Variants in GRM8 observed in about 807,000 individuals in gnomAD.
The protein encoded by GRM8 is metabotropic glutamate receptor 8.
In GRM8, 47 loss-of-function variants were observed where a neutral mutation model predicts 87.2. The observed-to-expected ratio is 0.54, with a 90% CI of 0.43 to 0.69. GRM8 has a LOEUF of 0.69. Ranked by LOEUF, GRM8 falls within the 30% of genes least tolerant of loss-of-function variation. The probability of loss-of-function intolerance (pLI) is 0.00; values close to 1 mark genes in which losing one functional copy is unlikely to be tolerated. For synonymous variants in GRM8, 396 were observed against 404.5 expected (o/e 0.98, Z 0.25); for missense variants, 1,019 against 1,139.2 (o/e 0.89, Z 1.52).
At chr7:127,172,105 TGAA>T (rs1334348010) in intron 2 of GRM8, among the ~76,000 whole-genome samples, 1 of 152,100 alleles carries the variant, frequency 6.6e-6, no homozygotes, top group African/African-American at 2.4e-5. Flanking sequence ...AGTGACGAAA[TGAA>T]GTACAGAATG....
At chr7:126,511,868 A>C (rs1286832895) in intron 9 of GRM8, 1 of 152,148 alleles carries the variant, frequency 6.6e-6, no homozygotes, top group Admixed American at 6.6e-5. Context: ...AAGAAAAAAT[A>C]AAAGTAAAAT....
chr7:126,446,382 G>GAAAAAAA lies in GRM8; in HGVS notation c.2431-17_2431-11dup, dbSNP rs56884588. The GAAAAAAA allele has an allele frequency of 7.1e-7, 1 of 1,415,042 alleles. No homozygotes were observed. The allele number at this position is 1,415,042 out of a possible 1,614,324, so 87.7% of individuals were successfully genotyped here. A position where few individuals can be genotyped will look rare whatever the true frequency, so the allele number is the denominator to read the frequency against. ...TTGTCTGGATGTACATCTGAGGGAA[G>GAAAAAAA]AAAAAAAAAAGAATCACTGTTGGTA... On this transcript the variant is annotated splice_polypyrimidine_tract_variant and intron_variant, in intron 9 of 10. Transcript: ENST00000339582.
chr7:126,863,267 AT>A, intron 6 of GRM8, among the ~76,000 whole-genome samples: 1 of 152,162 alleles, frequency 6.6e-6, no homozygotes, highest in South Asian at 2.1e-4. Context: ...AGTTGGGGCT[AT>A]TTTTTATAGT....
At chr7:126,868,375 C>A in intron 6 of GRM8, among the ~76,000 whole-genome samples, 1 of 152,316 alleles carries the variant, frequency 6.6e-6, no homozygotes, top group Non-Finnish European at 1.5e-5. Context: ...ACCACTGTGT[C>A]CCTAGTGAAC....
At chr7:127,154,600 G>T (rs1792609110) in intron 2 of GRM8, among the ~76,000 whole-genome samples, 1 of 152,078 alleles carries the variant, frequency 6.6e-6, no homozygotes, top group Non-Finnish European at 1.5e-5. Context: ...AACTTGAAAA[G>T]CAACTGGCAC....
At chr7:126,678,147 A>C (rs1585485328) in intron 7 of GRM8, among the ~76,000 whole-genome samples, 1 of 152,230 alleles carries the variant, frequency 6.6e-6, no homozygotes, top group Non-Finnish European at 1.5e-5. Context: ...TCAAAAAAAT[A>C]AGATTTTATA....
At chr7:126,656,622 T>C (rs367608903) in intron 7 of GRM8, among the ~76,000 whole-genome samples, 11 of 152,056 alleles carry the variant, frequency 7.2e-5, no homozygotes, top group African/African-American at 2.2e-4. Context: ...GAGCCGAGAT[T>C]GTGCCACTGC....
chr7:126,748,276 A>G (rs970734625), intron 7 of GRM8, among the ~76,000 whole-genome samples: 4 of 152,106 alleles, frequency 2.6e-5, no homozygotes, highest in African/African-American at 9.7e-5. Context: ...GTCTACCAAA[A>G]AGCAGCTGAA....
At chr7:126,594,122 T>C (rs1285067587) in intron 8 of GRM8, among the ~76,000 whole-genome samples, 1 of 151,908 alleles carries the variant, frequency 6.6e-6, no homozygotes, top group African/African-American at 2.4e-5. Flanking sequence ...AAAATGGAAT[T>C]TTGCAAGCTG....
intron 3 of GRM8, among the ~76,000 whole-genome samples, chr7:127,015,223 GAAGAAGAAGAAGA>G (rs2132155159): frequency 7.5e-6 from 1 of 133,528 alleles, no homozygotes; most frequent in South Asian, 2.5e-4. Context: ...AGAAGAAGAA[GAAGAAGAAGAAGA>G]AGAAGAAGAA....
chr7:126,441,471 G>T (rs944479504), intron 10 of GRM8, among the ~76,000 whole-genome samples: 2 of 151,974 alleles, frequency 1.3e-5, no homozygotes, highest in African/African-American at 4.8e-5. Flanking sequence ...AAGATGTGAT[G>T]CAATGAATCT....
chr7:126,880,898 G>A (rs1563277496), intron 6 of GRM8, among the ~76,000 whole-genome samples: 2 of 152,070 alleles, frequency 1.3e-5, no homozygotes. Flanking sequence ...ATTCTCTAAT[G>A]CCTGGTCTAT....
chr7:126,714,318 AAT>A (rs1811480319), intron 7 of GRM8, among the ~76,000 whole-genome samples: 1 of 138,180 alleles, frequency 7.2e-6, no homozygotes, highest in South Asian at 2.3e-4. Flanking sequence ...TAATAATAAT[AAT>A]AATAAATAGT....
intron 3 of GRM8, among the ~76,000 whole-genome samples, chr7:127,071,379 C>CT (rs971918770): frequency 9.2e-5 from 14 of 152,136 alleles, no homozygotes; most frequent in Non-Finnish European, 1.9e-4. Context: ...TAAAACTGGA[C>CT]TTTTTTTCTA....
chr7:126,625,853 A>G (rs1452205280), intron 7 of GRM8, among the ~76,000 whole-genome samples: 1 of 152,178 alleles, frequency 6.6e-6, no homozygotes, highest in African/African-American at 2.4e-5. Flanking sequence ...AGGCAAGATT[A>G]GGTAATATAT....
intron 7 of GRM8, among the ~76,000 whole-genome samples, chr7:126,656,885 A>C (rs1208575638): frequency 6.6e-6 from 1 of 152,224 alleles, no homozygotes; most frequent in East Asian, 1.9e-4. Context: ...TATTCAGGGA[A>C]ACAAATTCAT....
intron 1 of GRM8, among the ~76,000 whole-genome samples, chr7:127,249,591 C>G (rs951840629): frequency 6.6e-6 from 1 of 152,086 alleles, no homozygotes; most frequent in Non-Finnish European, 1.5e-5. Flanking sequence ...TGCTCAGCGT[C>G]CCTCCCAGTG....
At chr7:127,087,236 G>C (rs573784122) in intron 3 of GRM8, among the ~76,000 whole-genome samples, 1 of 152,348 alleles carries the variant, frequency 6.6e-6, no homozygotes, top group South Asian at 2.1e-4. Flanking sequence ...ACACCAAGCT[G>C]TGGGAGGGGA....
At chr7:126,851,395 T>C (rs1422749506) in intron 6 of GRM8, among the ~76,000 whole-genome samples, 1 of 152,106 alleles carries the variant, frequency 6.6e-6, no homozygotes, top group African/African-American at 2.4e-5. Context: ...AGAATAATCC[T>C]GTTAGAAAAT....
Sources: allele counts gnomAD v4.1 joint callset (sites outside exome capture counted in the v4.1 genomes callset), GRCh38; gene constraint gnomAD v4.1.1; transcripts MANE v1.5; gene names NCBI Gene and HGNC (gene_info 2026-07-23, HGNC 2026-07-21).